NF1: variants seen among roughly 807,000 people sequenced by gnomAD.
NF1 encodes the protein neurofibromin.
NF1 carries 122 observed loss-of-function variants against 325.7 expected under a neutral mutation model. That is an observed-to-expected ratio of 0.37 (90% CI 0.32 to 0.44). The LOEUF is 0.44. Among genes scored for constraint, NF1 ranks in the 20% least tolerant of loss-of-function variants. The probability of loss-of-function intolerance (pLI) is 1.00; values close to 1 mark genes in which losing one functional copy is unlikely to be tolerated. For synonymous variants in NF1, 1,091 were observed against 1,186.0 expected (o/e 0.92, Z 1.65); for missense variants, 2,140 against 3,415.4 (o/e 0.63, Z 9.31).
intron 1 of NF1, among the ~76,000 whole-genome samples, chr17:31,126,136 T>C (rs1640313501): frequency 2.6e-5 from 4 of 151,882 alleles, no homozygotes; most frequent in African/African-American, 9.7e-5. Flanking sequence ...TGCAGTGAGC[T>C]GACATCTTGC....
At chr17:31,179,062 ATTC>A (rs1395594527) in intron 5 of NF1, among the ~76,000 whole-genome samples, 1 of 152,240 alleles carries the variant, frequency 6.6e-6, no homozygotes, top group African/African-American at 2.4e-5. Context: ...CAGAATGTAT[ATTC>A]TTCTCAGCAC....
At chr17:31,317,362 G>A (rs1319803060) in intron 36 of NF1, among the ~76,000 whole-genome samples, 1 of 110,836 alleles carries the variant, frequency 9.0e-6, no homozygotes, top group Non-Finnish European at 1.9e-5. Flanking sequence ...CAGTTTTCCA[G>A]ATTTGAACAC....
intron 12 of NF1, among the ~76,000 whole-genome samples, chr17:31,211,253 A>G (rs990495919): frequency 6.6e-5 from 10 of 152,228 alleles, no homozygotes; most frequent in African/African-American, 2.4e-4. Context: ...TAATGAATGA[A>G]TGAATTTTTT....
At chr17:31,243,973 T>C (rs1037669778) in intron 29 of NF1, among the ~76,000 whole-genome samples, 8 of 152,126 alleles carry the variant, frequency 5.3e-5, no homozygotes, top group African/African-American at 1.7e-4. Context: ...CCACAGCAAG[T>C]ACTGCCTGGC....
chr17:31,109,983 G>A (rs576738283), intron 1 of NF1, among the ~76,000 whole-genome samples: 28 of 152,258 alleles, frequency 1.8e-4, no homozygotes, highest in African/African-American at 6.5e-4. Context: ...AGCAACTGGT[G>A]CAGGCACGCT....
intron 2 of NF1, among the ~76,000 whole-genome samples, chr17:31,156,545 A>G (rs959004564): frequency 1.3e-5 from 2 of 152,206 alleles, no homozygotes; most frequent in African/African-American, 4.8e-5. Flanking sequence ...CCCTAAGTAG[A>G]TGATAAAATA....
chr17:31,156,645 G>A (rs768967481), intron 2 of NF1, among the ~76,000 whole-genome samples: 1 of 152,154 alleles, frequency 6.6e-6, no homozygotes, highest in Non-Finnish European at 1.5e-5. Flanking sequence ...TTCTGTAGTA[G>A]TTACCCTGTT....
At chr17:31,352,159 CTGT>C (rs1470870963) in intron 50 of NF1, 95 bp from the exon 51 acceptor site, 2 of 1,079,906 alleles carry the variant, frequency 1.9e-6, no homozygotes, top group African/African-American at 3.1e-5. Flanking sequence ...TAATTGATTG[CTGT>C]TGTTAGGAAA....
At chr17:31,172,208 T>C (rs1438614529) in intron 5 of NF1, among the ~76,000 whole-genome samples, 2 of 152,042 alleles carry the variant, frequency 1.3e-5, no homozygotes, top group Non-Finnish European at 2.9e-5. Context: ...GCACCTGTAG[T>C]CCCAGCTACT....
At chr17:31,151,796 A>G (rs1172619883) in intron 1 of NF1, among the ~76,000 whole-genome samples, 1 of 152,176 alleles carries the variant, frequency 6.6e-6, no homozygotes, top group Non-Finnish European at 1.5e-5. Context: ...CAGTTTGTTG[A>G]ATGCATAGAT....
At chr17:31,268,803 A>G (rs963667655) in intron 36 of NF1, among the ~76,000 whole-genome samples, 53 of 151,966 alleles carry the variant, frequency 3.5e-4, no homozygotes, top group African/African-American at 1.3e-3. Context: ...GGCTCAAACA[A>G]TCTTCCTGCC....
rs2069789284 is a variant in NF1, at chr17:31,340,501, C to T, written c.6922-4C>T. The stretch of plus-strand genomic sequence containing the variant: ...ACTAGCCTCAAACATATCTTCTTTG[C>T]CAGGACTCGCCTCTGCACAAAGCCC... On this transcript the variant is annotated splice_region_variant and splice_polypyrimidine_tract_variant and intron_variant, in intron 46 of 57. Transcript: ENST00000358273. The T allele has an allele frequency of 1.2e-6, 2 of 1,614,144 alleles. No individual in the cohort carries two copies. The highest frequency in any genetic ancestry group is 2.7e-5 in the African/African-American group (2 of 75,040).
chr17:31,198,032 G>C (rs1236067766), intron 8 of NF1, among the ~76,000 whole-genome samples: 1 of 152,022 alleles, frequency 6.6e-6, no homozygotes, highest in Non-Finnish European at 1.5e-5. Context: ...TTGTCAAGTG[G>C]TTTCTCTGTA....
intron 54 of NF1, chr17:31,358,189 A>T: frequency 2.2e-6 from 1 of 450,010 alleles, no homozygotes; most frequent in Non-Finnish European, 4.1e-6. Context: ...ACCTTGTCTT[A>T]AGCAAACATT....
chr17:31,338,213 A>G, intron 45 of NF1, 74 bp downstream of exon 45: 1 of 1,072,942 alleles, frequency 9.3e-7, no homozygotes. Flanking sequence ...CATTTTTCTA[A>G]AAGACGTTTA....
chr17:31,232,756 G>C lies in NF1; in HGVS notation c.3371G>C (p.Ser1124Thr), dbSNP rs374472758. Residue 1124 changes from serine to threonine, a missense_variant, in exon 26 of 58, where the codon AGT becomes ACT. Physicochemically the swap from Ser to Thr is moderately conservative, Grantham distance 58 (BLOSUM62 1). Transcript: ENST00000358273. ...GACTGCAGTGAAGTTGAAGATGAAA[G>C]TGCGCAAACAGGTGGCAGGAAACGT... ...LNDCSEVEDE[S>T]AQTGGRKRGM... The C allele has an allele frequency of 6.2e-7, 1 of 1,613,766 alleles. No homozygotes were observed. Among genetic ancestry groups the C allele is most frequent in the Non-Finnish European group, 8.5e-7 (1 of 1,179,966 alleles).
intron 46 of NF1, among the ~76,000 whole-genome samples, chr17:31,339,067 T>C (rs971128403): frequency 2.0e-5 from 3 of 152,172 alleles, no homozygotes; most frequent in African/African-American, 7.2e-5. Flanking sequence ...TTCTTAATTA[T>C]TTTATCTTAT....
chr17:31,137,543 G>GAA (rs1915866844), intron 1 of NF1: 1 of 152,116 alleles, frequency 6.6e-6, no homozygotes, highest in African/African-American at 2.4e-5. Flanking sequence ...TTTCCTTGAG[G>GAA]ATTTCCTCCC....
At chr17:31,129,965 G>A (rs573300884) in intron 1 of NF1, among the ~76,000 whole-genome samples, 5 of 151,914 alleles carry the variant, frequency 3.3e-5, no homozygotes, top group African/African-American at 7.2e-5. Flanking sequence ...TAGTGCAGTC[G>A]TTTGTTTTAG....
Sources: allele counts gnomAD v4.1 joint callset (sites outside exome capture counted in the v4.1 genomes callset), GRCh38; gene constraint gnomAD v4.1.1; transcripts MANE v1.5; gene names NCBI Gene and HGNC (gene_info 2026-07-23, HGNC 2026-07-21).